PLS1: variants seen among roughly 807,000 people sequenced by gnomAD.
PLS1 encodes the protein plastin-1.
PLS1 carries 32 observed loss-of-function variants against 73.7 expected under a neutral mutation model. The ratio of observed to expected loss-of-function variants is 0.43; its 90% CI spans 0.33 to 0.58. The LOEUF is 0.58. Ranked by LOEUF, PLS1 falls within the 20% of genes least tolerant of loss-of-function variation. The probability of loss-of-function intolerance (pLI) is 0.04; values close to 1 mark genes in which losing one functional copy is unlikely to be tolerated. For synonymous variants in PLS1, 217 were observed against 261.3 expected (o/e 0.83, Z 1.63); for missense variants, 633 against 740.5 (o/e 0.85, Z 1.68).
At chr3:142,675,542 C>T (rs1287788737) in intron 4 of PLS1, among the ~76,000 whole-genome samples, 1 of 152,044 alleles carries the variant, frequency 6.6e-6, no homozygotes, top group Non-Finnish European at 1.5e-5. Context: ...GCCACCATGC[C>T]CAGCTAATTT....
chr3:142,711,443 A>C (rs759711637), intron 14 of PLS1, 58 bp from the exon 15 acceptor site: 2 of 1,316,428 alleles, frequency 1.5e-6, no homozygotes, highest in Admixed American at 1.8e-5. Flanking sequence ...AGAGTCTGAA[A>C]ATAATGAAAA....
chr3:142,600,059 A>G (rs542698340), intron 1 of PLS1, among the ~76,000 whole-genome samples: 15 of 152,252 alleles, frequency 9.9e-5, no homozygotes, highest in African/African-American at 3.6e-4. Context: ...CCCAAGATTA[A>G]TTTGAGTTGG....
intron 1 of PLS1, among the ~76,000 whole-genome samples, chr3:142,608,090 C>G (rs1418080028): frequency 2.6e-5 from 4 of 152,154 alleles, no homozygotes; most frequent in Non-Finnish European, 5.9e-5. Flanking sequence ...GGCAGTTCTC[C>G]TGCTTTGGCC....
intron 1 of PLS1, among the ~76,000 whole-genome samples, chr3:142,633,081 A>T (rs1321449855): frequency 6.6e-6 from 1 of 152,248 alleles, no homozygotes; most frequent in Non-Finnish European, 1.5e-5. Context: ...ATATGCTACA[A>T]CATGGACGAA....
intron 14 of PLS1, 46 bp downstream of exon 14, chr3:142,704,632 G>C: frequency 2.0e-6 from 1 of 502,398 alleles, no homozygotes; most frequent in Non-Finnish European, 3.1e-6. Context: ...GGTATAGGAA[G>C]GAATTTTTTT....
chr3:142,710,689 G>A (rs933900970), intron 14 of PLS1, among the ~76,000 whole-genome samples: 2 of 152,144 alleles, frequency 1.3e-5, no homozygotes, highest in South Asian at 2.1e-4. Flanking sequence ...AGTAAAGAGT[G>A]TGTAGATTCT....
intron 1 of PLS1, among the ~76,000 whole-genome samples, chr3:142,607,084 C>T (rs2036034354): frequency 6.6e-6 from 1 of 152,130 alleles, no homozygotes; most frequent in Non-Finnish European, 1.5e-5. Flanking sequence ...TCCACATCCT[C>T]ACCAGCACTT....
intron 1 of PLS1, among the ~76,000 whole-genome samples, chr3:142,598,419 A>G (rs1269245757): frequency 6.6e-6 from 1 of 152,166 alleles, no homozygotes; most frequent in Non-Finnish European, 1.5e-5. Context: ...TTAGAGCTGT[A>G]TCAAGACAGC....
intron 1 of PLS1, among the ~76,000 whole-genome samples, chr3:142,637,974 T>C (rs981357616): frequency 2.0e-5 from 3 of 152,048 alleles, no homozygotes; most frequent in Admixed American, 6.6e-5. Context: ...TCGAAGAAGC[T>C]AGCCAGCGCC....
chr3:142,661,880 T>C (rs537149883), intron 1 of PLS1, among the ~76,000 whole-genome samples: 8 of 152,326 alleles, frequency 5.3e-5, no homozygotes, highest in South Asian at 4.1e-4. Flanking sequence ...ACTCTGTCTA[T>C]GGAGTAGCCA....
intron 1 of PLS1, among the ~76,000 whole-genome samples, chr3:142,637,251 AT>A (rs1335528319): frequency 6.6e-6 from 1 of 152,202 alleles, no homozygotes; most frequent in Admixed American, 6.5e-5. Flanking sequence ...ATCTCAAAAT[AT>A]TTATGCTGAC....
rs1472985931 is a variant in PLS1 at position 142,711,629 on chromosome 3, AG to A, written c.1754+5del. 1.9e-6 allele frequency: 3 copies of A among 1,599,058 alleles called. No individual in the cohort carries two copies. The highest frequency in any genetic ancestry group is 2.6e-6 in the Non-Finnish European group (3 of 1,169,004). ...AGGACAAGCTGAACAATGCTAAGTAAGCCTTTATGGTTTATATTACAATACA... is the reference window on the plus strand; with the variant it reads ...AGGACAAGCTGAACAATGCTAAGTAACCTTTATGGTTTATATTACAATACA... On this transcript the variant is annotated splice_donor_5th_base_variant and intron_variant, in intron 15 of 15. Coordinates refer to ENST00000457734, the MANE Select transcript of PLS1 (RefSeq NM_001145319.2).
At chr3:142,608,840 A>G (rs986521123) in intron 1 of PLS1, among the ~76,000 whole-genome samples, 4 of 152,212 alleles carry the variant, frequency 2.6e-5, no homozygotes, top group Non-Finnish European at 5.9e-5. Flanking sequence ...TTCCTGCCAC[A>G]TGTCTTCTGA....
At chr3:142,679,681 G>A (rs1219453823) in intron 6 of PLS1, among the ~76,000 whole-genome samples, 3 of 151,642 alleles carry the variant, frequency 2.0e-5, no homozygotes, top group African/African-American at 7.2e-5. Context: ...CTGCAGCCTT[G>A]TAGTATAGTT....
intron 1 of PLS1, among the ~76,000 whole-genome samples, chr3:142,620,216 C>T (rs767888797): frequency 1.8e-4 from 28 of 152,178 alleles, no homozygotes; most frequent in Non-Finnish European, 3.2e-4. Context: ...TCTCCGCCTC[C>T]CAGGTTCAAG....
At chr3:142,606,567 G>A (rs1006136966) in intron 1 of PLS1, among the ~76,000 whole-genome samples, 1 of 152,098 alleles carries the variant, frequency 6.6e-6, no homozygotes, top group Non-Finnish European at 1.5e-5. Context: ...TAATTACCCT[G>A]TATTCATTAG....
At chr3:142,662,839 T>C (rs891002045) in intron 1 of PLS1, among the ~76,000 whole-genome samples, 5 of 152,234 alleles carry the variant, frequency 3.3e-5, no homozygotes, top group Non-Finnish European at 7.3e-5. Context: ...AATGTGTTAG[T>C]ACCAACAAAA....
chr3:142,685,275 T>C (rs2037940516), intron 8 of PLS1, among the ~76,000 whole-genome samples: 1 of 152,202 alleles, frequency 6.6e-6, no homozygotes, highest in Non-Finnish European at 1.5e-5. Context: ...CTGAGGGGCA[T>C]TATGCCCAGG....
In PLS1 at chr3:142,673,247, A is replaced by G. The variant is rs534171733; in HGVS notation, c.364+2125A>G. ...TCTTTTGTAGAGATGGGGTTTTGCT[A>G]TGTCACCCAGGTTGATCTTGAACTC... On this transcript the variant is annotated intron_variant, in intron 4 of 15. Transcript: ENST00000457734. 2.3e-4 allele frequency among the ~76,000 whole-genome samples: 35 copies of G among 152,162 alleles called. 1 individual carries two copies. Among genetic ancestry groups the G allele is most frequent in the Admixed American group, 7.2e-4 (11 of 15,280 alleles).
Sources: allele counts gnomAD v4.1 joint callset (sites outside exome capture counted in the v4.1 genomes callset), GRCh38; gene constraint gnomAD v4.1.1; transcripts MANE v1.5; gene names NCBI Gene and HGNC (gene_info 2026-07-23, HGNC 2026-07-21).